Variants in ASXL3 observed in about 807,000 individuals in gnomAD.
ASXL3 encodes the protein ASXL transcriptional regulator 3, also known as putative Polycomb group protein ASXL3.
Under a neutral mutation model 170.6 loss-of-function variants are expected in ASXL3, and 34 were observed. That is an observed-to-expected ratio of 0.20 (90% CI 0.15 to 0.27). The LOEUF (loss-of-function observed/expected upper bound fraction) is 0.27. Ranked by LOEUF, ASXL3 falls within the 10% of genes least tolerant of loss-of-function variation. The pLI is 1.00. For missense variants in ASXL3, 2,592 were observed against 2,695.3 expected, an observed-to-expected ratio of 0.96 and a Z score of 0.85; for synonymous variants, 1,002 against 989.1, an observed-to-expected ratio of 1.01 and a Z score of -0.24.
chr18:33,620,910 T>C (rs2065502107), intron 2 of ASXL3, among the ~76,000 whole-genome samples: 1 of 152,162 alleles, frequency 6.6e-6, no homozygotes, highest in Non-Finnish European at 1.5e-5. Context: ...TTTTAATAGC[T>C]AAGGAGTTGT....
chr18:33,669,155 A>G (rs1488459252), intron 5 of ASXL3, among the ~76,000 whole-genome samples: 1 of 152,184 alleles, frequency 6.6e-6, no homozygotes, highest in Non-Finnish European at 1.5e-5. Flanking sequence ...TTCTTATACA[A>G]TGCTAGACAG....
At chr18:33,736,119 G>A (rs2067542452) in intron 10 of ASXL3, among the ~76,000 whole-genome samples, 1 of 152,122 alleles carries the variant, frequency 6.6e-6, no homozygotes, top group African/African-American at 2.4e-5. Context: ...TTATAACCGT[G>A]AGGTTATTAA....
rs61734121 is a variant in ASXL3, at chr18:33,739,983, T to A, written c.2579T>A (p.Met860Lys). ...ASIPELASTEMIKVKNHSVLQ... is the reference protein window; with the variant it reads ...ASIPELASTEKIKVKNHSVLQ... ...ATTCCAGAACTTGCTTCTACTGAAATGATAAAAGTTAAAAATCATAGCGTC... is the reference window on the plus strand; with the variant it reads ...ATTCCAGAACTTGCTTCTACTGAAAAGATAAAAGTTAAAAATCATAGCGTC... Residue 860 changes from methionine (M) to lysine (K), a missense_variant, in exon 11 of 12, where the codon ATG becomes AAG. Physicochemically the swap from Met to Lys is moderately conservative, Grantham distance 95. This residue lies in a region of ASXL3 where 2,246 missense variants were observed against 2,219.6 expected (regional missense o/e 1.01). Transcript: ENST00000269197. 3.0e-4 allele frequency: 486 copies of A among 1,613,830 alleles called. 4 individuals are homozygous for A. In the African/African-American group the frequency reaches 5.8e-3, roughly 19 times the overall value.
chr18:33,729,169 G>C (rs7230463), intron 8 of ASXL3, among the ~76,000 whole-genome samples: 72,528 of 152,016 alleles, frequency 0.48, 18,184 homozygotes, highest in East Asian at 0.83. Context: ...GCCAAAGCCA[G>C]GGGTTAAATA....
intron 2 of ASXL3, among the ~76,000 whole-genome samples, chr18:33,636,164 C>A (rs2145182379): frequency 6.6e-6 from 1 of 152,226 alleles, no homozygotes; most frequent in East Asian, 1.9e-4. Flanking sequence ...TGGTGATTTA[C>A]TGAGTTGGAT....
chr18:33,698,065 C>A (rs999219331), intron 8 of ASXL3, among the ~76,000 whole-genome samples: 4 of 152,040 alleles, frequency 2.6e-5, no homozygotes, highest in African/African-American at 9.7e-5. Flanking sequence ...GGTATCCCTC[C>A]TGGATTTAAA....
intron 2 of ASXL3, among the ~76,000 whole-genome samples, chr18:33,611,100 C>T (rs1303901703): frequency 6.6e-6 from 1 of 152,026 alleles, no homozygotes; most frequent in East Asian, 1.9e-4. Flanking sequence ...TTCCTCTTTA[C>T]AACTGACACT....
intron 2 of ASXL3, 30 bp downstream of exon 2, chr18:33,607,706 T>C (rs2065271092): frequency 6.7e-7 from 1 of 1,500,614 alleles, no homozygotes. Context: ...ACATTTTCTG[T>C]TTTCATTAAA....
At chr18:33,677,128 G>C (rs1159819334) in intron 7 of ASXL3, among the ~76,000 whole-genome samples, 1 of 152,034 alleles carries the variant, frequency 6.6e-6, no homozygotes, top group African/African-American at 2.4e-5. Context: ...AAATGTCCTT[G>C]GTGGGCTTAA....
chr18:33,740,376 TATC>T lies in ASXL3; in HGVS notation c.2976_2978del (p.Ser995del), dbSNP rs1188539646. ...GAAGATGATCAGTCAACCCGGAACA[TATC>T]ATCTAGCAGCCCACCTGAGAAAGAA... On this transcript the variant is annotated inframe_deletion, in exon 11 of 12. Coordinates refer to ENST00000269197, the MANE Select transcript of ASXL3 (RefSeq NM_030632.3). 2 of 1,609,242 alleles carry T rather than the reference TATC, an allele frequency of 1.2e-6. No homozygotes were observed. Among genetic ancestry groups the T allele is most frequent in the South Asian group, 2.2e-5 (2 of 90,234 alleles).
intron 8 of ASXL3, among the ~76,000 whole-genome samples, chr18:33,690,070 G>A (rs2066663165): frequency 6.6e-6 from 1 of 151,844 alleles, no homozygotes; most frequent in African/African-American, 2.4e-5. Flanking sequence ...GTTGCCCAGG[G>A]TGGTCTTGAA....
At chr18:33,668,812 A>G (rs997282395) in intron 5 of ASXL3, among the ~76,000 whole-genome samples, 2 of 152,154 alleles carry the variant, frequency 1.3e-5, no homozygotes, top group Admixed American at 6.6e-5. Context: ...CTAAAAAGAC[A>G]TGCCAGCTTT....
At chr18:33,667,638 A>G (rs1399118006) in intron 5 of ASXL3, among the ~76,000 whole-genome samples, 1 of 152,006 alleles carries the variant, frequency 6.6e-6, no homozygotes, top group African/African-American at 2.4e-5. Flanking sequence ...CTTGTCATTT[A>G]TGTCTCACTT....
intron 2 of ASXL3, among the ~76,000 whole-genome samples, chr18:33,626,293 C>G (rs1259224247): frequency 6.6e-6 from 1 of 151,874 alleles, no homozygotes; most frequent in Non-Finnish European, 1.5e-5. Flanking sequence ...AAAATCTTAC[C>G]ATTTCAAGTT....
chr18:33,673,563 A>G (rs2066380022), intron 7 of ASXL3, among the ~76,000 whole-genome samples: 1 of 151,802 alleles, frequency 6.6e-6, no homozygotes, highest in Admixed American at 6.6e-5. Context: ...ACAGGGTTTT[A>G]CCATGTTGGC....
intron 7 of ASXL3, among the ~76,000 whole-genome samples, chr18:33,673,250 G>A (rs2066373663): frequency 6.6e-6 from 1 of 152,112 alleles, no homozygotes; most frequent in Non-Finnish European, 1.5e-5. Context: ...TTAGTGCCAT[G>A]TAATGAGTGT....
chr18:33,675,173 T>C (rs2066405740), intron 7 of ASXL3, among the ~76,000 whole-genome samples: 1 of 152,186 alleles, frequency 6.6e-6, no homozygotes, highest in South Asian at 2.1e-4. Flanking sequence ...TTTGGATGAA[T>C]GAATGACACA....
chr18:33,591,868 C>T (rs2065081021), intron 1 of ASXL3, among the ~76,000 whole-genome samples: 1 of 151,766 alleles, frequency 6.6e-6, no homozygotes, highest in Admixed American at 6.6e-5. Context: ...GTCTCGATCT[C>T]CTGACCTCGT....
intron 8 of ASXL3, among the ~76,000 whole-genome samples, chr18:33,697,034 T>C (rs924028223): frequency 7.9e-5 from 12 of 152,104 alleles, no homozygotes; most frequent in African/African-American, 2.4e-4. Context: ...ACCATCTCAA[T>C]ATCTATGACT....
Sources: allele counts gnomAD v4.1 joint callset (sites outside exome capture counted in the v4.1 genomes callset), GRCh38; gene constraint gnomAD v4.1.1; regional missense constraint gnomAD v4.1.1; transcripts MANE v1.5; gene names NCBI Gene and HGNC (gene_info 2026-07-23, HGNC 2026-07-21).